The following RBFOX1 variants were observed in gnomAD, a reference collection of about 807,000 sequenced individuals.
RBFOX1 encodes RNA binding protein fox-1 homolog 1.
In RBFOX1, 8 loss-of-function variants were observed where a neutral mutation model predicts 57.7. The observed-to-expected ratio is 0.14, with a 90% CI of 0.08 to 0.25. RBFOX1 has a LOEUF of 0.25. Among genes scored for constraint, RBFOX1 ranks in the 10% least tolerant of loss-of-function variants. RBFOX1 has a pLI of 1.00. For synonymous variants in RBFOX1, 326 were observed against 222.4 expected, an observed-to-expected ratio of 1.47 and a Z score of -4.15; for missense variants, 611 against 548.5, an observed-to-expected ratio of 1.11 and a Z score of -1.14.
chr16:7,342,642 A>G (rs924538128), intron 4 of RBFOX1, among the ~76,000 whole-genome samples: 1 of 152,148 alleles, frequency 6.6e-6, no homozygotes, highest in Non-Finnish European at 1.5e-5. Context: ...GCAAGGACAC[A>G]TGTGTTTGGC....
intron 2 of RBFOX1, among the ~76,000 whole-genome samples, chr16:5,543,837 A>C (rs1487750775): frequency 6.6e-6 from 1 of 152,224 alleles, no homozygotes; most frequent in Non-Finnish European, 1.5e-5. Context: ...GTGACAGTGT[A>C]TTTTTTGGTC....
chr16:7,470,308 A>G (rs2061336053), intron 4 of RBFOX1, among the ~76,000 whole-genome samples: 1 of 152,174 alleles, frequency 6.6e-6, no homozygotes, highest in Non-Finnish European at 1.5e-5. Flanking sequence ...GTTGTTCACC[A>G]TTGTTTCCCT....
chr16:6,597,621 C>T (rs1253881933), intron 2 of RBFOX1, among the ~76,000 whole-genome samples: 1 of 152,078 alleles, frequency 6.6e-6, no homozygotes, highest in African/African-American at 2.4e-5. Context: ...TTGCAGTGAG[C>T]TGAGATAGCA....
At chr16:5,823,681 T>A (rs183043357) in intron 3 of RBFOX1, among the ~76,000 whole-genome samples, 1 of 152,088 alleles carries the variant, frequency 6.6e-6, no homozygotes, top group Non-Finnish European at 1.5e-5. Context: ...ATCATAGGAG[T>A]GCAAATCCTA....
In RBFOX1 at chr16:6,964,950, G is replaced by A. The variant is rs193171589; in HGVS notation, c.-15-87107G>A. Reference sequence around the variant, plus strand: ...CTGCGGATTAAAGGAGATAACAGACGCCAGGCACTTAGCAGCGAGTGTGGC... The same window carrying A: ...CTGCGGATTAAAGGAGATAACAGACACCAGGCACTTAGCAGCGAGTGTGGC... On this transcript the variant is annotated intron_variant, in intron 3 of 15. Coordinates refer to ENST00000550418, the MANE Select transcript of RBFOX1 (RefSeq NM_018723.4). Among the ~76,000 whole-genome samples the A allele has an allele frequency of 9.2e-5, 14 of 152,280 alleles. No homozygotes were observed. The East Asian group carries it at 2.1e-3, about 23-fold the overall frequency.
At chr16:6,830,002 C>T (rs370136292) in intron 3 of RBFOX1, among the ~76,000 whole-genome samples, 49 of 152,024 alleles carry the variant, frequency 3.2e-4, no homozygotes, top group Middle Eastern at 3.2e-3. Flanking sequence ...CTGCCACCTC[C>T]GCCTTCTGGG....
chr16:5,740,149 T>G (rs548599040), intron 3 of RBFOX1, among the ~76,000 whole-genome samples: 1 of 152,152 alleles, frequency 6.6e-6, no homozygotes, highest in Non-Finnish European at 1.5e-5. Context: ...GTGGAGGAAG[T>G]AAACACACGG....
chr16:6,363,115 A>AGAG (rs568664024), intron 2 of RBFOX1, among the ~76,000 whole-genome samples: 7 of 152,216 alleles, frequency 4.6e-5, no homozygotes, highest in Non-Finnish European at 7.3e-5. Context: ...AAAGGAATCT[A>AGAG]GAGTTGTCTC....
intron 4 of RBFOX1, among the ~76,000 whole-genome samples, chr16:7,261,395 A>C (rs1343080926): frequency 2.0e-5 from 3 of 152,132 alleles, no homozygotes; most frequent in African/African-American, 7.2e-5. Flanking sequence ...TGTGTCCTCC[A>C]TGTGTTAACC....
chr16:6,941,191 C>T (rs1191571346), intron 3 of RBFOX1, among the ~76,000 whole-genome samples: 2 of 151,278 alleles, frequency 1.3e-5, no homozygotes, highest in Non-Finnish European at 3.0e-5. Context: ...TCCATGCATA[C>T]ATATATATAT....
At chr16:6,235,558 ATGTGTGTG>A (rs3064942) in intron 1 of RBFOX1, among the ~76,000 whole-genome samples, 93,336 of 147,140 alleles carry the variant, frequency 0.63, 30,653 homozygotes, top group East Asian at 0.78. Flanking sequence ...GCGTGTATGT[ATGTGTGTG>A]TGTGTGTGTG....
In RBFOX1 at chr16:7,111,831, A is replaced by G. The variant is rs970345084; in HGVS notation, c.27+59733A>G. 6.6e-5 allele frequency among the ~76,000 whole-genome samples: 10 copies of G among 151,896 alleles called. 1 individual carries two copies. Among genetic ancestry groups the G allele is most frequent in the South Asian group, 2.1e-4 (1 of 4,818 alleles). ...CCCCCAAAGGAGAGAAGTAAACTTT[A>G]TAATTCCAGGGCTAACATCCACTTG... On this transcript the variant is annotated intron_variant, in intron 4 of 15. Coordinates refer to ENST00000550418, the MANE Select transcript of RBFOX1 (RefSeq NM_018723.4).
chr16:6,882,904 C>A (rs189052460), intron 3 of RBFOX1, among the ~76,000 whole-genome samples: 1 of 152,126 alleles, frequency 6.6e-6, no homozygotes, highest in Non-Finnish European at 1.5e-5. Flanking sequence ...ATTATACTTA[C>A]CAGGAGTTAT....
At chr16:6,981,259 C>A (rs1045397697) in intron 3 of RBFOX1, among the ~76,000 whole-genome samples, 1 of 151,782 alleles carries the variant, frequency 6.6e-6, no homozygotes, top group Non-Finnish European at 1.5e-5. Flanking sequence ...TTGTGATTCT[C>A]CCCTCCTCCC....
intron 3 of RBFOX1, among the ~76,000 whole-genome samples, chr16:6,830,368 T>C (rs2092619569): frequency 6.6e-6 from 1 of 152,240 alleles, no homozygotes; most frequent in South Asian, 2.1e-4. Context: ...TCCACTTTTT[T>C]TTTCCAGTTT....
intron 1 of RBFOX1, among the ~76,000 whole-genome samples, chr16:6,053,079 G>A (rs2152439425): frequency 6.6e-6 from 1 of 152,202 alleles, no homozygotes; most frequent in South Asian, 2.1e-4. Context: ...TTCAGGGGAA[G>A]GGTCTCATCT....
At chr16:5,862,731 T>G (rs933897147) in intron 3 of RBFOX1, among the ~76,000 whole-genome samples, 3 of 152,216 alleles carry the variant, frequency 2.0e-5, no homozygotes, top group Non-Finnish European at 4.4e-5. Context: ...AATTCCTTCC[T>G]GTGCTTGAGC....
At chr16:5,423,837 C>T (rs56293446) in intron 1 of RBFOX1, among the ~76,000 whole-genome samples, 3 of 152,266 alleles carry the variant, frequency 2.0e-5, no homozygotes, top group Non-Finnish European at 1.5e-5. Flanking sequence ...GTTGTCTTCT[C>T]GAGCTCCAGT....
chr16:5,966,863 C>T (rs1166943270), intron 4 of RBFOX1, among the ~76,000 whole-genome samples: 1 of 151,918 alleles, frequency 6.6e-6, no homozygotes, highest in Non-Finnish European at 1.5e-5. Context: ...GCAATTCATG[C>T]CTCCACCAGT....
Sources: gnomAD v4.1 joint callset for allele counts (sites outside exome capture counted in the v4.1 genomes callset) on GRCh38, gnomAD v4.1.1 for gene constraint, MANE v1.5 for transcripts, NCBI Gene and HGNC (gene_info 2026-07-23, HGNC 2026-07-21) for gene names.